The following BAIAP2 variants were observed in gnomAD, a reference collection of about 807,000 sequenced individuals.
The protein encoded by BAIAP2 is BAR/IMD domain-containing adapter protein 2.
A neutral mutation model predicts 63.0 loss-of-function variants in BAIAP2; 18 were observed. The ratio of observed to expected loss-of-function variants is 0.29; its 90% CI spans 0.20 to 0.42. The LOEUF (loss-of-function observed/expected upper bound fraction) is 0.42, where lower values mean the gene tolerates loss of function less well. Ranked by LOEUF, BAIAP2 falls within the 10% of genes least tolerant of loss-of-function variation. BAIAP2 has a pLI of 1.00. For missense variants in BAIAP2, 610 were observed against 734.3 expected, an observed-to-expected ratio of 0.83 and a Z score of 1.96; for synonymous variants, 386 against 307.6, an observed-to-expected ratio of 1.25 and a Z score of -2.67.
chr17:81,104,495 C>G lies in BAIAP2; in HGVS notation c.1067-19C>G, dbSNP rs372390539. The G allele has an allele frequency of 6.3e-7, 1 of 1,578,018 alleles. No individual in the cohort carries two copies. The highest frequency in any genetic ancestry group is 8.6e-7 in the Non-Finnish European group (1 of 1,158,042). On this transcript the variant is annotated intron_variant, in intron 9 of 13. Transcript: ENST00000428708. ...CGCCAGCCAGGGGCAGTCCCCTTAC[C>G]TGTCCCTTGTCCCAGCAGCCGAGAA... is the stretch of plus-strand genomic sequence containing the variant.
chr17:81,043,459 G>A (rs9906253), intron 1 of BAIAP2, among the ~76,000 whole-genome samples: 8,860 of 152,286 alleles, frequency 0.058, 441 homozygotes, highest in East Asian at 0.28. Flanking sequence ...CGGTCCGACC[G>A]GTGGCAGGAG....
chr17:81,101,230 G>A (rs1452404066), intron 7 of BAIAP2, among the ~76,000 whole-genome samples: 2 of 152,150 alleles, frequency 1.3e-5, no homozygotes, highest in African/African-American at 4.8e-5. Flanking sequence ...CCAGGACCAA[G>A]CCTGGCCCTG....
chr17:81,104,211 C>A, intron 9 of BAIAP2, 103 bp downstream of exon 9: 1 of 1,288,978 alleles, frequency 7.8e-7, no homozygotes, highest in Middle Eastern at 1.9e-4. Context: ...GACCCTGAGG[C>A]TCACAATTAT....
intron 12 of BAIAP2, 94 bp downstream of exon 12, chr17:81,107,001 G>A (rs2059262434): frequency 1.4e-6 from 2 of 1,390,338 alleles, no homozygotes; most frequent in South Asian, 3.0e-5. Flanking sequence ...GAGGGGCGGG[G>A]CGCCTGGGGG....
At position 81,055,569 on chromosome 17, in the gene BAIAP2, G is replaced by GTTTTTTTTTTTTTTTTTTTTT. The variant is rs1555657837; in HGVS notation, c.130+1830_130+1831insTTTTTTTTTTTTTTTTTTTTT. ...TTCCTCCAGCGAAAGTCTGCAGGGT[G>GTTTTTTTTTTTTTTTTTTTTT]TTTTGTTTTTTTTTGAGACGGAGTC... is the stretch of plus-strand genomic sequence containing the variant. On this transcript the variant is annotated intron_variant, in intron 2 of 13. Coordinates refer to ENST00000428708, the MANE Select transcript of BAIAP2 (RefSeq NM_001144888.2). Among the ~76,000 whole-genome samples the GTTTTTTTTTTTTTTTTTTTTT allele has an allele frequency of 4.2e-5, 4 of 94,178 alleles. 1 individual carries two copies. Among genetic ancestry groups the GTTTTTTTTTTTTTTTTTTTTT allele is most frequent in the Admixed American group, 1.2e-4 (1 of 8,298 alleles). 61.8% of individuals were successfully genotyped at this position (94,178 alleles called of 152,430 possible).
chr17:81,086,607 C>T (rs779072690), intron 6 of BAIAP2, 27 bp downstream of exon 6: 3 of 1,611,176 alleles, frequency 1.9e-6, no homozygotes, highest in South Asian at 2.2e-5. Context: ...CGCTGTGGTG[C>T]CTCTCCTGCC....
intron 6 of BAIAP2, 41 bp from the exon 7 acceptor site, chr17:81,099,887 C>A (rs372355716): frequency 8.7e-6 from 14 of 1,600,102 alleles, no homozygotes; most frequent in African/African-American, 1.3e-5. Flanking sequence ...GACAGGCGTC[C>A]TTCCATCGCT....
chr17:81,037,460 A>G (rs1036905301), intron 1 of BAIAP2, among the ~76,000 whole-genome samples: 1 of 152,232 alleles, frequency 6.6e-6, no homozygotes, highest in African/African-American at 2.4e-5. Flanking sequence ...GGGGAGCTCA[A>G]GGTGCCTTGG....
intron 7 of BAIAP2, among the ~76,000 whole-genome samples, chr17:81,102,380 ACT>A (rs2058615544): frequency 6.6e-6 from 1 of 151,798 alleles, no homozygotes; most frequent in African/African-American, 2.4e-5. Flanking sequence ...GCCACCCAAG[ACT>A]CACTCCTCTA....
chr17:81,060,863 C>T (rs567561166), intron 3 of BAIAP2, among the ~76,000 whole-genome samples: 2 of 152,286 alleles, frequency 1.3e-5, no homozygotes, highest in South Asian at 2.1e-4. Flanking sequence ...TGGCTCACAC[C>T]TGTAATCCTA....
intron 3 of BAIAP2, among the ~76,000 whole-genome samples, chr17:81,065,735 C>A (rs904988934): frequency 6.6e-6 from 1 of 152,206 alleles, no homozygotes; most frequent in Non-Finnish European, 1.5e-5. Context: ...ATGGGAGGAG[C>A]AGGCCAGAGT....
chr17:81,035,197 C>A lies in BAIAP2; in HGVS notation c.-58C>A. On this transcript the variant is annotated 5_prime_UTR_variant, in exon 1 of 14. In the 5' UTR this introduces an upstream ATG that the reference lacks. Coordinates refer to ENST00000428708, the MANE Select transcript of BAIAP2 (RefSeq NM_001144888.2). ...CTCCGTCCTGCTGCCGTTACCGCCG[C>A]TGCTGCCGCCGCTTGCGTCCCCCGC... 7.2e-7 allele frequency: 1 copy of A among 1,394,042 alleles called. No individual in the cohort carries two copies. The highest frequency in any genetic ancestry group is 2.4e-5 in the Admixed American group (1 of 41,984). The allele number at this position is 1,394,042 out of a possible 1,614,324, so 86.4% of individuals were successfully genotyped here. A position where few individuals can be genotyped will look rare whatever the true frequency, so the allele number is the denominator to read the frequency against.
chr17:81,082,169 G>A (rs1264654435), intron 3 of BAIAP2, among the ~76,000 whole-genome samples: 1 of 152,144 alleles, frequency 6.6e-6, no homozygotes, highest in Non-Finnish European at 1.5e-5. Context: ...ATCCAGGGCG[G>A]CTGTGAGAGT....
intron 6 of BAIAP2, chr17:81,086,905 C>T (rs562607124): frequency 2.5e-4 from 64 of 256,086 alleles, no homozygotes; most frequent in Non-Finnish European, 4.5e-4. Flanking sequence ...CAGTTTGTTC[C>T]TCTAAGCGGT....
At chr17:81,065,098 G>A (rs62072981) in intron 3 of BAIAP2, among the ~76,000 whole-genome samples, 1 of 152,172 alleles carries the variant, frequency 6.6e-6, no homozygotes, top group Admixed American at 6.5e-5. Context: ...ACTTTTCCCA[G>A]GGGCGTCTGC....
intron 6 of BAIAP2, among the ~76,000 whole-genome samples, chr17:81,093,548 G>A (rs2057151420): frequency 6.6e-6 from 1 of 152,098 alleles, no homozygotes; most frequent in African/African-American, 2.4e-5. Context: ...TGGGGATGCT[G>A]CCTCCCAGAG....
intron 3 of BAIAP2, among the ~76,000 whole-genome samples, chr17:81,063,221 T>C (rs1323181896): frequency 6.6e-6 from 1 of 151,976 alleles, no homozygotes; most frequent in African/African-American, 2.4e-5. Flanking sequence ...GGGGTGAGGC[T>C]GGGAGGGGAG....
intron 1 of BAIAP2, among the ~76,000 whole-genome samples, chr17:81,048,266 C>G (rs567723686): frequency 4.6e-4 from 68 of 149,358 alleles, no homozygotes; most frequent in Middle Eastern, 3.4e-3. Flanking sequence ...CACCTGTAAT[C>G]CCAGCTGCTC....
rs188170305 is a variant in BAIAP2, at chr17:81,109,061, C to T, written c.1535+552C>T. ...TCCGCGCCTTCCCCCTGGTCTCGTC[C>T]GTTTTCCTCCTCAGCTCTCGCTGGT... On this transcript the variant is annotated intron_variant, in intron 13 of 13. Coordinates refer to ENST00000428708, the MANE Select transcript of BAIAP2 (RefSeq NM_001144888.2). 6,291 of 1,513,414 alleles carry T rather than the reference C, an allele frequency of 4.2e-3. 69 individuals carry two copies. Among genetic ancestry groups the T allele is most frequent in the South Asian group, 0.032 (2,617 of 81,302 alleles). 93.7% of individuals were successfully genotyped at this position (1,513,414 alleles called of 1,614,324 possible).
Sources: allele counts gnomAD v4.1 joint callset (sites outside exome capture counted in the v4.1 genomes callset), GRCh38; gene constraint gnomAD v4.1.1; transcripts MANE v1.5; gene names NCBI Gene and HGNC (gene_info 2026-07-23, HGNC 2026-07-21).